The following STAG1 variants were observed in gnomAD, a reference collection of about 807,000 sequenced individuals.
STAG1 encodes STAG1 cohesin complex component, also known as cohesin subunit SA-1.
Under a neutral mutation model 170.9 loss-of-function variants are expected in STAG1, and 26 were observed. The ratio of observed to expected loss-of-function variants is 0.15; its 90% CI spans 0.11 to 0.21. The LOEUF (loss-of-function observed/expected upper bound fraction) is 0.21, where lower values mean the gene tolerates loss of function less well. Ranked by LOEUF, STAG1 falls within the 10% of genes least tolerant of loss-of-function variation. The pLI, the probability that STAG1 is intolerant of heterozygous loss-of-function variation, is 1.00. For missense variants in STAG1, 964 were observed against 1,509.5 expected, an observed-to-expected ratio of 0.64 and a Z score of 5.99; for synonymous variants, 514 against 497.7, an observed-to-expected ratio of 1.03 and a Z score of -0.44.
At chr3:136,565,220 A>C (rs902886420) in intron 5 of STAG1, among the ~76,000 whole-genome samples, 6 of 152,118 alleles carry the variant, frequency 3.9e-5, no homozygotes, top group Non-Finnish European at 8.8e-5. Flanking sequence ...ATTGTGCACC[A>C]AAAAACATCA....
intron 5 of STAG1, among the ~76,000 whole-genome samples, chr3:136,553,498 G>T (rs1393389459): frequency 6.6e-6 from 1 of 152,158 alleles, no homozygotes; most frequent in African/African-American, 2.4e-5. Context: ...ATTTTGGGCC[G>T]GGTGTGGTGG....
At chr3:136,598,249 T>C (rs1488740845) in intron 4 of STAG1, among the ~76,000 whole-genome samples, 1 of 152,176 alleles carries the variant, frequency 6.6e-6, no homozygotes, top group African/African-American at 2.4e-5. Flanking sequence ...TTCACAGTAA[T>C]GTTAGGTTTG....
intron 7 of STAG1, among the ~76,000 whole-genome samples, chr3:136,516,165 T>C (rs1163206343): frequency 1.3e-5 from 2 of 152,108 alleles, no homozygotes; most frequent in African/African-American, 4.8e-5. Context: ...TTAAAAATTA[T>C]AAAATAATTA....
intron 1 of STAG1, among the ~76,000 whole-genome samples, chr3:136,714,015 C>A: frequency 6.6e-6 from 1 of 151,678 alleles, no homozygotes; most frequent in South Asian, 2.1e-4. Context: ...CAGAGCAAGA[C>A]TCTCTCTCAA....
intron 1 of STAG1, among the ~76,000 whole-genome samples, chr3:136,719,619 GTGGGTGGC>G (rs1933091212): frequency 7.3e-6 from 1 of 137,014 alleles, no homozygotes; most frequent in African/African-American, 2.7e-5. Flanking sequence ...GGGTGGGTAG[GTGGGTGGC>G]TGGGTAGGTG....
intron 1 of STAG1, among the ~76,000 whole-genome samples, chr3:136,692,589 C>T (rs529835732): frequency 1.3e-5 from 2 of 151,938 alleles, no homozygotes; most frequent in East Asian, 3.9e-4. Flanking sequence ...AAGCCAAGAT[C>T]GTGCCACTGC....
At chr3:136,341,931 C>T (rs960033846) in intron 30 of STAG1, among the ~76,000 whole-genome samples, 3 of 152,182 alleles carry the variant, frequency 2.0e-5, no homozygotes, top group Admixed American at 6.5e-5. Flanking sequence ...AAGAATATAG[C>T]ATCTTTTCCT....
chr3:136,608,183 G>C (rs1939057869), intron 3 of STAG1, among the ~76,000 whole-genome samples: 1 of 152,022 alleles, frequency 6.6e-6, no homozygotes, highest in East Asian at 1.9e-4. Flanking sequence ...CTTGAACCTA[G>C]GAGGCAGAGA....
chr3:136,423,820 G>C (rs938191168), intron 16 of STAG1, among the ~76,000 whole-genome samples: 2 of 151,864 alleles, frequency 1.3e-5, no homozygotes, highest in African/African-American at 4.8e-5. Context: ...ATATGTGCAA[G>C]AAGTAATAGC....
chr3:136,509,961 T>C (rs1933962912), intron 7 of STAG1, among the ~76,000 whole-genome samples: 1 of 152,236 alleles, frequency 6.6e-6, no homozygotes, highest in African/African-American at 2.4e-5. Flanking sequence ...ATTTTTACAA[T>C]GCTTATTTTT....
intron 6 of STAG1, among the ~76,000 whole-genome samples, chr3:136,532,193 A>G (rs1444715002): frequency 1.3e-5 from 2 of 152,216 alleles, no homozygotes; most frequent in Non-Finnish European, 2.9e-5. Flanking sequence ...AAAGATCATC[A>G]GAGACTATTA....
At chr3:136,339,352 G>A (rs775444471) in intron 32 of STAG1, among the ~76,000 whole-genome samples, 3 of 152,054 alleles carry the variant, frequency 2.0e-5, no homozygotes, top group African/African-American at 4.8e-5. Flanking sequence ...GTGAAACCCC[G>A]TCTCTACTAA....
At chr3:136,362,602 C>T (rs1576390592) in intron 26 of STAG1, among the ~76,000 whole-genome samples, 1 of 102,734 alleles carries the variant, frequency 9.7e-6, no homozygotes, top group East Asian at 2.5e-4. Context: ...AACATCATCT[C>T]TGCAAAAAAA....
chr3:136,382,359 G>C (rs1485789437), intron 22 of STAG1, among the ~76,000 whole-genome samples: 1 of 150,078 alleles, frequency 6.7e-6, no homozygotes, highest in Non-Finnish European at 1.5e-5. Context: ...ATTAACAGTA[G>C]TATTTTAAGA....
chr3:136,580,694 C>T (rs909816533), intron 4 of STAG1, among the ~76,000 whole-genome samples: 2 of 150,506 alleles, frequency 1.3e-5, no homozygotes, highest in African/African-American at 2.4e-5. Flanking sequence ...CCACCGCGCC[C>T]GGCTAATTTT....
At chr3:136,469,980 T>C (rs573630561) in intron 12 of STAG1, among the ~76,000 whole-genome samples, 143 of 152,128 alleles carry the variant, frequency 9.4e-4, no homozygotes, top group Non-Finnish European at 1.4e-3. Context: ...ATAGAAAAAT[T>C]AATTCAAGAT....
intron 21 of STAG1, chr3:136,417,547 G>T (rs975068355): frequency 1.5e-5 from 3 of 203,644 alleles, no homozygotes; most frequent in Non-Finnish European, 3.0e-5. Flanking sequence ...TTAATACCTA[G>T]AACACGGCTG....
At chr3:136,580,870 T>G (rs1016594823) in intron 4 of STAG1, among the ~76,000 whole-genome samples, 2 of 152,032 alleles carry the variant, frequency 1.3e-5, no homozygotes, top group African/African-American at 4.8e-5. Flanking sequence ...TTCACCAAAT[T>G]TTTTTCTCAT....
rs1327639437 is a variant in STAG1 at position 136,337,928 on chromosome 3, T to TAACA, written c.*322_*325dup. The stretch of plus-strand genomic sequence containing the variant: ...GTTGAGTTTTCATAAAACAGGTGTA[T>TAACA]AACAGTGTTTATCTTGACAGCTGTT... On this transcript the variant is annotated 3_prime_UTR_variant, in exon 34 of 34. Coordinates refer to ENST00000383202, the MANE Select transcript of STAG1 (RefSeq NM_005862.3). The TAACA allele has an allele frequency of 8.1e-6, 2 of 248,290 alleles. No individual in the cohort carries two copies. The highest frequency in any genetic ancestry group is 1.1e-4 in the Admixed American group (2 of 18,732). The allele number at this position is 248,290 out of a possible 1,614,324, so 15.4% of individuals were successfully genotyped here.
Sources: allele counts gnomAD v4.1 joint callset (sites outside exome capture counted in the v4.1 genomes callset), GRCh38; gene constraint gnomAD v4.1.1; transcripts MANE v1.5; gene names NCBI Gene and HGNC (gene_info 2026-07-23, HGNC 2026-07-21).